Variants in EPB41 observed in about 807,000 individuals in gnomAD.
EPB41 encodes the protein protein 4.1.
Under a neutral mutation model 108.0 loss-of-function variants are expected in EPB41, and 65 were observed. The observed-to-expected ratio is 0.60, with a 90% confidence interval of 0.49 to 0.74. The LOEUF (loss-of-function observed/expected upper bound fraction) is 0.74, where lower values mean the gene tolerates loss of function less well. Among genes scored for constraint, EPB41 ranks in the 30% least tolerant of loss-of-function variants. The pLI, the probability that EPB41 is intolerant of heterozygous loss-of-function variation, is 0.00. For synonymous variants in EPB41, 336 were observed against 358.9 expected, an observed-to-expected ratio of 0.94 and a Z score of 0.72; for missense variants, 875 against 1,037.0, an observed-to-expected ratio of 0.84 and a Z score of 2.15.
intron 11 of EPB41, among the ~76,000 whole-genome samples, chr1:29,045,029 A>G (rs1572989557): frequency 1.3e-5 from 2 of 152,094 alleles, no homozygotes; most frequent in African/African-American, 2.4e-5. Flanking sequence ...TCTAGCTTTT[A>G]TAAGTGTTTA....
chr1:28,985,851 C>G (rs531063997), intron 1 of EPB41: 1 of 151,262 alleles, frequency 6.6e-6, no homozygotes, highest in African/African-American at 2.4e-5. Flanking sequence ...TTATTATACT[C>G]TAAGTTTTAG....
rs559060854 is a variant in EPB41, at chr1:29,048,015, C to G, written c.1637-5089C>G. Among the ~76,000 whole-genome samples the G allele has an allele frequency of 2.0e-5, 3 of 151,994 alleles. No homozygotes were observed. The South Asian group carries it at 6.2e-4, about 32-fold the overall frequency. On this transcript the variant is annotated intron_variant, in intron 11 of 20. Coordinates refer to ENST00000343067, the MANE Select transcript of EPB41 (RefSeq NM_001376013.1). ...GTCAGGCTGGTCTCTACCTCCTGAC[C>G]TCAAGTAATCTACCTGCTTCGGCCT...
In EPB41 at chr1:29,039,245, T is replaced by TC; in HGVS notation, c.1464-3dup. The TC allele has an allele frequency of 6.2e-7, 1 of 1,613,290 alleles. No individual in the cohort carries two copies. Among genetic ancestry groups the TC allele is most frequent in the South Asian group, 1.1e-5 (1 of 91,046 alleles). ...TATAATAATATGACTATTACGATTT[T>TC]CCCCCCAGATTGACATCTACAGACA... On this transcript the variant is annotated splice_polypyrimidine_tract_variant and intron_variant, in intron 10 of 20. Coordinates refer to ENST00000343067, the MANE Select transcript of EPB41 (RefSeq NM_001376013.1).
intron 16 of EPB41, chr1:29,065,948 CAG>C (rs1173871447): frequency 2.5e-5 from 3 of 122,088 alleles, no homozygotes; most frequent in Non-Finnish European, 4.8e-5. Context: ...GCCTGGGTGA[CAG>C]AGTGAGACCC....
chr1:29,035,272 C>T (rs967618408), intron 9 of EPB41, among the ~76,000 whole-genome samples: 10 of 151,984 alleles, frequency 6.6e-5, no homozygotes, highest in African/African-American at 1.9e-4. Flanking sequence ...CGTAAGCCAC[C>T]GTGCCTGGCA....
chr1:28,897,296 C>T (rs1024990505), intron 1 of EPB41, among the ~76,000 whole-genome samples: 1 of 151,998 alleles, frequency 6.6e-6, no homozygotes, highest in Non-Finnish European at 1.5e-5. Context: ...CACCCGTAAT[C>T]CCAACATTTT....
intron 17 of EPB41, among the ~76,000 whole-genome samples, chr1:29,102,376 T>A (rs1326871711): frequency 6.6e-6 from 1 of 152,076 alleles, no homozygotes; most frequent in Non-Finnish European, 1.5e-5. Flanking sequence ...CAGCTATGTG[T>A]GTTTAGGTTT....
intron 1 of EPB41, among the ~76,000 whole-genome samples, chr1:28,894,613 A>G (rs1156644374): frequency 3.3e-5 from 5 of 152,118 alleles, no homozygotes; most frequent in Non-Finnish European, 7.4e-5. Flanking sequence ...GCAGCTGGGA[A>G]GATCTGGGGC....
At chr1:28,979,298 A>G (rs1008771934) in intron 1 of EPB41, among the ~76,000 whole-genome samples, 1 of 151,630 alleles carries the variant, frequency 6.6e-6, no homozygotes, top group Non-Finnish European at 1.5e-5. Flanking sequence ...ACATATACTT[A>G]CAAAATTTGT....
chr1:29,089,582 G>A (rs1455630770), intron 16 of EPB41, among the ~76,000 whole-genome samples: 1 of 152,208 alleles, frequency 6.6e-6, no homozygotes, highest in Non-Finnish European at 1.5e-5. Flanking sequence ...GGAAAATCTA[G>A]AAGAAATGAC....
Position 29,011,392 on chromosome 1 carries a change from T to A in EPB41, c.787-473T>A, listed in dbSNP as rs187228445. On this transcript the variant is annotated intron_variant, in intron 4 of 20. Coordinates refer to ENST00000343067, the MANE Select transcript of EPB41 (RefSeq NM_001376013.1). Reference sequence around the variant, plus strand: ...AAAGAAAAAAAAAAAAAGAAAAAACTTGAAGGAGACTAAAGGTCAGGGTTG... The same window carrying A: ...AAAGAAAAAAAAAAAAAGAAAAAACATGAAGGAGACTAAAGGTCAGGGTTG... Among the ~76,000 whole-genome samples, 44 of 151,354 alleles carry A rather than the reference T, an allele frequency of 2.9e-4. 1 individual carries two copies. The South Asian group carries it at 6.5e-3, about 22-fold the overall frequency.
chr1:29,003,866 G>A lies in EPB41; in HGVS notation c.786+6547G>A, dbSNP rs1327100538. On this transcript the variant is annotated intron_variant, in intron 4 of 20. Transcript: ENST00000343067. ...CAACCTCCACCTCCCAGGTTCCAGC[G>A]ATTCTCACGCCTCAGCCTCCTAAGT... 3.9e-5 allele frequency among the ~76,000 whole-genome samples: 6 copies of A among 152,130 alleles called. No homozygotes were observed. The South Asian group carries it at 8.3e-4, about 21-fold the overall frequency.
At chr1:28,950,434 A>T (rs1202946817) in intron 1 of EPB41, among the ~76,000 whole-genome samples, 1 of 152,224 alleles carries the variant, frequency 6.6e-6, no homozygotes, top group Non-Finnish European at 1.5e-5. Context: ...TATATAGTAT[A>T]ATTGGGATTT....
intron 15 of EPB41, among the ~76,000 whole-genome samples, chr1:29,061,572 G>GT (rs34413393): frequency 0.28 from 17,971 of 63,988 alleles, 5,240 homozygotes; most frequent in Non-Finnish European, 0.37. Context: ...CCTGGCCTTT[G>GT]TTTTTTTTTT....
intron 1 of EPB41, among the ~76,000 whole-genome samples, chr1:28,915,129 A>T (rs926678814): frequency 1.3e-5 from 2 of 152,124 alleles, no homozygotes; most frequent in Non-Finnish European, 2.9e-5. Context: ...GGAGAATCGC[A>T]GGTTTCAGAC....
At chr1:28,917,555 A>G (rs1460907480) in intron 1 of EPB41, among the ~76,000 whole-genome samples, 2 of 152,174 alleles carry the variant, frequency 1.3e-5, no homozygotes, top group African/African-American at 4.8e-5. Flanking sequence ...CTGGGATTAC[A>G]GGCATGAGCC....
At chr1:29,102,114 TAGCC>T (rs1227890803) in intron 17 of EPB41, among the ~76,000 whole-genome samples, 3 of 152,342 alleles carry the variant, frequency 2.0e-5, no homozygotes, top group Admixed American at 2.0e-4. Flanking sequence ...TACACGCTAT[TAGCC>T]AGAGGATATA....
chr1:29,096,406 A>G, intron 16 of EPB41: 1 of 985,838 alleles, frequency 1.0e-6, no homozygotes, highest in Non-Finnish European at 1.2e-6. Context: ...CAACTGGGGG[A>G]TGTATAGGAG....
intron 7 of EPB41, among the ~76,000 whole-genome samples, chr1:29,020,259 G>A (rs2096627684): frequency 6.6e-6 from 1 of 151,682 alleles, no homozygotes; most frequent in Non-Finnish European, 1.5e-5. Context: ...AGTAGAGACG[G>A]GGTTTCACCA....
Sources: gnomAD v4.1 joint callset for allele counts (sites outside exome capture counted in the v4.1 genomes callset) on GRCh38, gnomAD v4.1.1 for gene constraint, MANE v1.5 for transcripts, NCBI Gene and HGNC (gene_info 2026-07-23, HGNC 2026-07-21) for gene names.